The following HNRNPUL1 variants were observed in gnomAD, a reference collection of about 807,000 sequenced individuals.
HNRNPUL1 encodes the protein heterogeneous nuclear ribonucleoprotein U-like protein 1.
A neutral mutation model predicts 108.5 loss-of-function variants in HNRNPUL1; 14 were observed. The observed-to-expected ratio is 0.13, with a 90% CI of 0.09 to 0.20. HNRNPUL1 has a LOEUF of 0.20. Ranked by LOEUF, HNRNPUL1 falls within the 10% of genes least tolerant of loss-of-function variation. The probability of loss-of-function intolerance (pLI) is 1.00; values close to 1 mark genes in which losing one functional copy is unlikely to be tolerated. For missense variants in HNRNPUL1, 804 were observed against 1,168.3 expected (o/e 0.69, Z 4.55); for synonymous variants, 422 against 445.2 (o/e 0.95, Z 0.66).
At chr19:41,273,441 T>G (rs2035361308) in intron 3 of HNRNPUL1, among the ~76,000 whole-genome samples, 1 of 152,190 alleles carries the variant, frequency 6.6e-6, no homozygotes, top group African/African-American at 2.4e-5. Flanking sequence ...GTTAAGTCCC[T>G]TTTTTAGCGT....
intron 14 of HNRNPUL1, 100 bp from the exon 15 acceptor site, chr19:41,306,349 C>T: frequency 9.6e-6 from 7 of 728,514 alleles, no homozygotes; most frequent in Middle Eastern, 5.5e-4. Flanking sequence ...CAACTGTTGT[C>T]ACTGCAGCTG....
chr19:41,268,151 C>T lies in HNRNPUL1; in HGVS notation c.296-72C>T. ...GTTGAGCTCCTGGACCTGCAGATGC[C>T]TTCTGGATGCTTTGGTCCAGGGTTC... On this transcript the variant is annotated intron_variant, in intron 1 of 14. Coordinates refer to ENST00000392006, the MANE Select transcript of HNRNPUL1 (RefSeq NM_007040.6). 3.3e-6 allele frequency: 5 copies of T among 1,528,596 alleles called. No individual in the cohort carries two copies. In the East Asian group the frequency reaches 1.1e-4, roughly 35 times the overall value. 94.7% of individuals were successfully genotyped at this position (1,528,596 alleles called of 1,614,324 possible). A position where few individuals can be genotyped will look rare whatever the true frequency, so the allele number is the denominator to read the frequency against.
rs71177707 is a variant in HNRNPUL1 at position 41,270,593 on chromosome 19, C to CTTTTT, written c.419-1473_419-1469dup. 1.4e-4 allele frequency among the ~76,000 whole-genome samples: 17 copies of CTTTTT among 118,826 alleles called. 1 individual carries two copies. Among genetic ancestry groups the CTTTTT allele is most frequent in the African/African-American group, 4.9e-4 (14 of 28,854 alleles). 78.0% of individuals were successfully genotyped at this position (118,826 alleles called of 152,430 possible). ...CCCCATGATGCCAACTCTCCCTTCC[C>CTTTTT]TTTTTTTTTTTTTTTTTTTTGAGAT... On this transcript the variant is annotated intron_variant, in intron 2 of 14. Transcript: ENST00000392006.
intron 7 of HNRNPUL1, among the ~76,000 whole-genome samples, chr19:41,287,875 A>G (rs1041299710): frequency 2.0e-5 from 3 of 152,106 alleles, no homozygotes; most frequent in Admixed American, 6.6e-5. Flanking sequence ...TATGTTTTCA[A>G]TAAAACATTT....
At chr19:41,301,818 C>A in intron 11 of HNRNPUL1, 114 bp downstream of exon 11, 1 of 938,600 alleles carries the variant, frequency 1.1e-6, no homozygotes, top group Non-Finnish European at 1.6e-6. Context: ...TGATCTTACT[C>A]TTTCTTTGCT....
intron 4 of HNRNPUL1, among the ~76,000 whole-genome samples, chr19:41,274,685 A>G (rs1568433425): frequency 6.6e-6 from 1 of 152,186 alleles, no homozygotes; most frequent in Admixed American, 6.5e-5. Context: ...ATGAATCTAA[A>G]TTTTTACATG....
chr19:41,265,468 C>A, intron 1 of HNRNPUL1: 1 of 1,227,528 alleles, frequency 8.1e-7, no homozygotes, highest in Non-Finnish European at 1.1e-6. Flanking sequence ...AACTAGGGGG[C>A]ACCCCCATCT....
rs35932282 is a variant in HNRNPUL1 at position 41,269,480 on chromosome 19, GAA to G, written c.418+1157_418+1158del. ...GGGTGACAGTGCAAGACCCTGTCACGAAAAAAAAAAAAAAAAAAAAAAACCTA... is the reference window on the plus strand; with the variant it reads ...GGGTGACAGTGCAAGACCCTGTCACGAAAAAAAAAAAAAAAAAAAAACCTA... On this transcript the variant is annotated intron_variant, in intron 2 of 14. Transcript: ENST00000392006. 7.5e-3 allele frequency among the ~76,000 whole-genome samples: 360 copies of G among 48,150 alleles called. 1 individual carries two copies. The highest frequency in any genetic ancestry group is 0.023 in the African/African-American group (283 of 12,400). The allele number at this position is 48,150 out of a possible 152,430, so 31.6% of individuals were successfully genotyped here.
intron 10 of HNRNPUL1, among the ~76,000 whole-genome samples, chr19:41,297,213 C>T (rs2036942849): frequency 6.6e-6 from 1 of 152,210 alleles, no homozygotes; most frequent in Non-Finnish European, 1.5e-5. Context: ...GTCACGCACT[C>T]AGTGTACTGA....
chr19:41,302,537 T>C (rs756734952), intron 11 of HNRNPUL1, 128 bp from the exon 12 acceptor site: 3 of 1,208,008 alleles, frequency 2.5e-6, no homozygotes, highest in Non-Finnish European at 3.7e-6. Context: ...ATGTCTTTCT[T>C]ATTCACTATT....
At chr19:41,268,125 A>T in intron 1 of HNRNPUL1, 98 bp from the exon 2 acceptor site, 1 of 1,152,938 alleles carries the variant, frequency 8.7e-7, no homozygotes, top group Non-Finnish European at 1.3e-6. Context: ...TACCACTCTT[A>T]GTTGAGCTCC....
chr19:41,296,009 G>T lies in HNRNPUL1; in HGVS notation c.1518+1323G>T, dbSNP rs2036872472. On this transcript the variant is annotated intron_variant, in intron 10 of 14. Transcript: ENST00000392006. ...TGATCCTCCTTGTCGGGGCATTCAAGAATTTTTTTAGTCTGTATTGACCCC... is the reference window on the plus strand; with the variant it reads ...TGATCCTCCTTGTCGGGGCATTCAATAATTTTTTTAGTCTGTATTGACCCC... Among the ~76,000 whole-genome samples, 3 of 152,176 alleles carry T rather than the reference G, an allele frequency of 2.0e-5. No homozygotes were observed. The South Asian group carries it at 6.2e-4, about 31-fold the overall frequency.
intron 6 of HNRNPUL1, 95 bp downstream of exon 6, chr19:41,279,271 C>G (rs1568438386): frequency 2.4e-6 from 2 of 838,792 alleles, no homozygotes; most frequent in Admixed American, 2.0e-5. Context: ...CAGCGTCAGA[C>G]TTAGAATAGA....
intron 5 of HNRNPUL1, among the ~76,000 whole-genome samples, chr19:41,277,483 C>T (rs935550340): frequency 7.9e-5 from 12 of 152,216 alleles, no homozygotes; most frequent in South Asian, 2.1e-4. Context: ...AAATAAACTA[C>T]GCAGTGTTTT....
chr19:41,288,361 T>C (rs1434992353), intron 7 of HNRNPUL1, among the ~76,000 whole-genome samples: 41 of 152,146 alleles, frequency 2.7e-4, no homozygotes, highest in Non-Finnish European at 4.4e-5. Flanking sequence ...TTCTTCTGCC[T>C]CAGCCTCCCA....
rs1039905357 is a variant in HNRNPUL1 at position 41,303,981 on chromosome 19, G to T, written c.1982G>T (p.Arg661Leu). The change falls in exon 13 of 15, where the codon CGC becomes CTC. Residue 661 changes from arginine (R) to leucine (L), a missense_variant. Transcript: ENST00000392006. ...GATTTCTCCAACACAGGTTTCAACC[G>T]CAGCGGAGGTGGTGGCTATAGCCAG... ...GGGNYRGGFN[R>L]SGGGGYSQNR... 3 of 1,609,148 alleles carry T rather than the reference G, an allele frequency of 1.9e-6. No individual in the cohort carries two copies. The highest frequency in any genetic ancestry group is 1.3e-5 in the African/African-American group (1 of 74,810).
chr19:41,282,040 C>T (rs1472950906), intron 7 of HNRNPUL1, among the ~76,000 whole-genome samples: 2 of 152,196 alleles, frequency 1.3e-5, no homozygotes, highest in East Asian at 3.8e-4. Context: ...ATACTGTTAA[C>T]ATTAGGAGTT....
At chr19:41,264,304 A>G, upstream of HNRNPUL1, 2 of 435,628 alleles carry the variant, frequency 4.6e-6, no homozygotes, top group Admixed American at 8.7e-5. Context: ...TGCCCCACGC[A>G]CTGACCAATT....
Position 41,264,570 on chromosome 19 carries a change from C to A in HNRNPUL1, c.67C>A (p.Arg23=). 6.4e-7 allele frequency: 1 copy of A among 1,553,632 alleles called. No homozygotes were observed. Among genetic ancestry groups the A allele is most frequent in the Non-Finnish European group, 8.6e-7 (1 of 1,156,530 alleles). ...EELQRRGLDT[R]GLKAELAERL... is the part of the protein sequence containing the mutation. ...GCTGCAGCGCCGCGGCCTGGACACT[C>A]GAGGCCTCAAGGCCGAGCTTGCTGA... Residue 23 remains arginine, a synonymous_variant, in exon 1 of 15, where the codon CGA becomes AGA. Coordinates refer to ENST00000392006, the MANE Select transcript of HNRNPUL1 (RefSeq NM_007040.6).
Sources: allele counts gnomAD v4.1 joint callset (sites outside exome capture counted in the v4.1 genomes callset), GRCh38; gene constraint gnomAD v4.1.1; transcripts MANE v1.5; gene names NCBI Gene and HGNC (gene_info 2026-07-23, HGNC 2026-07-21).